Variants in FHIT observed in about 807,000 individuals in gnomAD.
FHIT encodes fragile histidine triad diadenosine triphosphatase.
Under a neutral mutation model 17.9 loss-of-function variants are expected in FHIT, and 19 were observed. The ratio of observed to expected loss-of-function variants is 1.06; its 90% CI spans 0.74 to 1.56. The LOEUF is 1.56. Among genes scored for constraint, FHIT ranks in the 40% most tolerant of loss-of-function variants. The pLI is 0.00. For synonymous variants in FHIT, 81 were observed against 69.7 expected (o/e 1.16, Z -0.81); for missense variants, 248 against 189.2 (o/e 1.31, Z -1.82).
intron 4 of FHIT, among the ~76,000 whole-genome samples, chr3:60,546,746 T>G (rs1313596266): frequency 1.3e-5 from 2 of 152,144 alleles, no homozygotes; most frequent in East Asian, 3.9e-4. Flanking sequence ...CTCTTCCTGA[T>G]CTTCCAGAAT....
chr3:60,301,463 G>A (rs1683246745), intron 5 of FHIT, among the ~76,000 whole-genome samples: 1 of 152,078 alleles, frequency 6.6e-6, no homozygotes, highest in Non-Finnish European at 1.5e-5. Flanking sequence ...AGCCTCATGT[G>A]CTCAACCCAT....
chr3:59,934,919 G>A (rs113460546), intron 7 of FHIT, among the ~76,000 whole-genome samples: 4,336 of 152,192 alleles, frequency 0.028, 100 homozygotes, highest in Non-Finnish European at 0.043. Flanking sequence ...ATTTGGGTGC[G>A]GATGCAGCCA....
chr3:60,893,233 T>TACTACACTTAGTTC (rs1553761088), intron 3 of FHIT, among the ~76,000 whole-genome samples: 1 of 152,176 alleles, frequency 6.6e-6, no homozygotes, highest in Non-Finnish European at 1.5e-5. Flanking sequence ...TCCCCTAGTT[T>TACTACACTTAGTTC]ACTACACTTA....
In FHIT at chr3:60,433,147, A is replaced by G. The variant is rs150461999; in HGVS notation, c.103+103713T>C. 1.4e-3 allele frequency among the ~76,000 whole-genome samples: 219 copies of G among 152,190 alleles called. 5 individuals are homozygous for G. In the East Asian group the frequency reaches 0.016, roughly 11 times the overall value. On this transcript the variant is annotated intron_variant, in intron 5 of 9. Transcript: ENST00000492590. The stretch of plus-strand genomic sequence containing the variant: ...CTACTTTTTTGAATTTGACTGTTTT[A>G]GATTTCTCATATAAGTGGAATCATG...
chr3:60,852,700 C>T (rs1575598429), intron 3 of FHIT, among the ~76,000 whole-genome samples: 2 of 152,014 alleles, frequency 1.3e-5, no homozygotes, highest in South Asian at 4.1e-4. Context: ...AGAGTAGTTA[C>T]TAATGCCAAA....
intron 4 of FHIT, among the ~76,000 whole-genome samples, chr3:60,709,841 G>A (rs548221793): frequency 6.6e-6 from 1 of 152,244 alleles, no homozygotes; most frequent in South Asian, 2.1e-4. Flanking sequence ...TTTACTTAAA[G>A]CAACAGACTC....
Position 60,139,784 on chromosome 3 carries a change from G to A in FHIT, c.104-125632C>T, listed in dbSNP as rs1699959634. On this transcript the variant is annotated intron_variant, in intron 5 of 9. Coordinates refer to ENST00000492590, the MANE Select transcript of FHIT (RefSeq NM_002012.4). ...CTATCAATCATCTACTTAAAAAGGA[G>A]AAAATGCTCTCTTTACCTTAAGTAC... 2.0e-5 allele frequency among the ~76,000 whole-genome samples: 3 copies of A among 147,928 alleles called. No homozygotes were observed. In the South Asian group the frequency reaches 6.3e-4, roughly 31 times the overall value.
chr3:60,624,871 G>A (rs1461098447), intron 4 of FHIT, among the ~76,000 whole-genome samples: 2 of 147,866 alleles, frequency 1.4e-5, no homozygotes, highest in Admixed American at 6.7e-5. Context: ...TTCAGAAATT[G>A]ATAAGATATT....
At position 60,087,662 on chromosome 3, in the gene FHIT, G is replaced by A. The variant is rs902631838; in HGVS notation, c.104-73510C>T. Among the ~76,000 whole-genome samples the A allele has an allele frequency of 4.6e-5, 7 of 152,124 alleles. No homozygotes were observed. In the East Asian group the frequency reaches 5.8e-4, roughly 13 times the overall value. On this transcript the variant is annotated intron_variant, in intron 5 of 9. Coordinates refer to ENST00000492590, the MANE Select transcript of FHIT (RefSeq NM_002012.4). ...CCACAAAGCCCTAGGACATGGACAC[G>A]ATGCAGCCAAGTTATTTGCTACTAT...
At chr3:60,621,546 A>C (rs1476750174) in intron 4 of FHIT, among the ~76,000 whole-genome samples, 1 of 152,026 alleles carries the variant, frequency 6.6e-6, no homozygotes, top group Non-Finnish European at 1.5e-5. Context: ...AAATTTGGAC[A>C]GTTCCTTAAA....
chr3:60,547,500 T>C (rs1220983212), intron 4 of FHIT, among the ~76,000 whole-genome samples: 1 of 152,188 alleles, frequency 6.6e-6, no homozygotes, highest in Non-Finnish European at 1.5e-5. Flanking sequence ...CTTCTTTATT[T>C]TTTTGGTGAA....
At chr3:60,714,597 A>G (rs1223635201) in intron 4 of FHIT, among the ~76,000 whole-genome samples, 1 of 152,228 alleles carries the variant, frequency 6.6e-6, no homozygotes, top group Non-Finnish European at 1.5e-5. Flanking sequence ...CTCAGGATAC[A>G]AAATCAATGT....
At chr3:60,920,095 A>T (rs1707203954) in intron 3 of FHIT, among the ~76,000 whole-genome samples, 1 of 152,150 alleles carries the variant, frequency 6.6e-6, no homozygotes, top group Non-Finnish European at 1.5e-5. Context: ...ATTCACTTCT[A>T]TGTGAGTTTC....
At chr3:59,908,850 T>TTTTTTTTTTTTTTG (rs1553712872) in intron 8 of FHIT, among the ~76,000 whole-genome samples, 176 of 150,020 alleles carry the variant, frequency 1.2e-3, no homozygotes, top group Middle Eastern at 3.4e-3. Flanking sequence ...TTTCATTTTT[T>TTTTTTTTTTTTTTG]AATAGTCCAA....
At chr3:59,817,954 G>C (rs1029939215) in intron 8 of FHIT, among the ~76,000 whole-genome samples, 3 of 152,106 alleles carry the variant, frequency 2.0e-5, no homozygotes, top group African/African-American at 7.2e-5. Flanking sequence ...GAGAGGCTGG[G>C]GGGAAGAAAG....
At chr3:61,205,275 T>G (rs182448937) in intron 1 of FHIT, among the ~76,000 whole-genome samples, 2,926 of 152,192 alleles carry the variant, frequency 0.019, 82 homozygotes, top group African/African-American at 0.066. Context: ...AGTGCCACAA[T>G]AAACATACGT....
intron 3 of FHIT, among the ~76,000 whole-genome samples, chr3:60,999,234 T>C (rs1426369217): frequency 6.6e-6 from 1 of 151,990 alleles, no homozygotes; most frequent in Non-Finnish European, 1.5e-5. Flanking sequence ...GCATGCAGGG[T>C]CTAAATATTA....
intron 4 of FHIT, among the ~76,000 whole-genome samples, chr3:60,744,815 T>G (rs1448983156): frequency 3.9e-5 from 6 of 152,216 alleles, no homozygotes; most frequent in African/African-American, 1.4e-4. Flanking sequence ...AGGCCCATCT[T>G]CTGATTAAAC....
intron 5 of FHIT, among the ~76,000 whole-genome samples, chr3:60,480,102 A>G (rs759890292): frequency 6.6e-6 from 1 of 152,128 alleles, no homozygotes; most frequent in Non-Finnish European, 1.5e-5. Context: ...GAAACTTACA[A>G]TCACGGCAGA....
Sources: gnomAD v4.1 joint callset for allele counts (sites outside exome capture counted in the v4.1 genomes callset) on GRCh38, gnomAD v4.1.1 for gene constraint, MANE v1.5 for transcripts, NCBI Gene and HGNC (gene_info 2026-07-23, HGNC 2026-07-21) for gene names.